Variants in NRXN3 observed in about 807,000 individuals in gnomAD.
The protein encoded by NRXN3 is neurexin 3.
A neutral mutation model predicts 137.6 loss-of-function variants in NRXN3; 32 were observed. The ratio of observed to expected loss-of-function variants is 0.23; its 90% CI spans 0.18 to 0.31. The LOEUF (loss-of-function observed/expected upper bound fraction) is 0.31, where lower values mean the gene tolerates loss of function less well. Ranked by LOEUF, NRXN3 falls within the 10% of genes least tolerant of loss-of-function variation. The probability of loss-of-function intolerance (pLI) is 1.00; values close to 1 mark genes in which losing one functional copy is unlikely to be tolerated. For synonymous variants in NRXN3, 798 were observed against 784.5 expected, an observed-to-expected ratio of 1.02 and a Z score of -0.29; for missense variants, 1,574 against 2,062.5, an observed-to-expected ratio of 0.76 and a Z score of 4.59.
At position 78,917,988 on chromosome 14, in the gene NRXN3, GA is replaced by G. The variant is rs71131666; in HGVS notation, c.2276-39239del. 2.0e-3 allele frequency among the ~76,000 whole-genome samples: 211 copies of G among 107,452 alleles called. 1 individual carries two copies. Among genetic ancestry groups the G allele is most frequent in the Middle Eastern group, 9.9e-3 (2 of 202 alleles). The allele number at this position is 107,452 out of a possible 152,430, so 70.5% of individuals were successfully genotyped here. On this transcript the variant is annotated intron_variant, in intron 10 of 20. Transcript: ENST00000335750. ...AAAAAAAATAAAAAAATAAAAAAAT[GA>G]AAAAAAAAAAAAAAGGCCAGGCATG...
chr14:79,737,022 T>C (rs2098944291), intron 19 of NRXN3, among the ~76,000 whole-genome samples: 1 of 152,238 alleles, frequency 6.6e-6, no homozygotes, highest in African/African-American at 2.4e-5. Context: ...AGCTATTTGA[T>C]GTACATCAAG....
chr14:78,771,945 G>A (rs888717973), intron 8 of NRXN3, among the ~76,000 whole-genome samples: 1 of 152,134 alleles, frequency 6.6e-6, no homozygotes, highest in African/African-American at 2.4e-5. Flanking sequence ...ATATTTACAT[G>A]TACATAATAA....
chr14:78,224,682 A>G (rs2064279861), intron 1 of NRXN3, among the ~76,000 whole-genome samples: 1 of 148,334 alleles, frequency 6.7e-6, no homozygotes, highest in African/African-American at 2.5e-5. Flanking sequence ...TCATTATTGG[A>G]CATTTGGGTT....
chr14:79,051,784 A>G (rs1046632392), intron 15 of NRXN3, among the ~76,000 whole-genome samples: 8 of 152,194 alleles, frequency 5.3e-5, no homozygotes, highest in Non-Finnish European at 1.0e-4. Flanking sequence ...CCGCTAAGGG[A>G]GGTATCAGTA....
intron 19 of NRXN3, among the ~76,000 whole-genome samples, chr14:79,728,067 C>T (rs1188294394): frequency 3.3e-5 from 5 of 152,132 alleles, no homozygotes; most frequent in Admixed American, 3.3e-4. Flanking sequence ...GGGAGTGTCC[C>T]TTTGAAGCCT....
intron 16 of NRXN3, among the ~76,000 whole-genome samples, chr14:79,525,506 A>C (rs548047267): frequency 1.1e-4 from 16 of 152,310 alleles, no homozygotes; most frequent in African/African-American, 3.6e-4. Context: ...TTTAGCTGCA[A>C]ACCTATTAAT....
At chr14:79,509,868 G>A (rs1286449025) in intron 16 of NRXN3, among the ~76,000 whole-genome samples, 1 of 152,084 alleles carries the variant, frequency 6.6e-6, no homozygotes, top group African/African-American at 2.4e-5. Context: ...TCAATGAACT[G>A]AAGGTTTTGG....
chr14:79,765,001 G>T (rs976234990), intron 19 of NRXN3, among the ~76,000 whole-genome samples: 1 of 151,956 alleles, frequency 6.6e-6, no homozygotes, highest in Admixed American at 6.6e-5. Flanking sequence ...AATTTGTCTC[G>T]CCCACTTCTA....
chr14:78,810,447 T>A (rs1439850540), intron 10 of NRXN3, 103 bp downstream of exon 10: 1 of 388,066 alleles, frequency 2.6e-6, no homozygotes, highest in East Asian at 1.5e-4. Context: ...TGAATTATTT[T>A]TTCTTTTAAC....
rs141128527 is a variant in NRXN3, at chr14:78,232,099, G to A, written c.-703-10292G>A. 1.4e-4 allele frequency among the ~76,000 whole-genome samples: 22 copies of A among 152,384 alleles called. 3 individuals carry two copies. In the East Asian group the frequency reaches 4.2e-3, roughly 29 times the overall value. On this transcript the variant is annotated intron_variant, in intron 1 of 20. Transcript: ENST00000335750. Reference sequence around the variant, plus strand: ...CCCCTGGCATCACATTGCTCTGCAGGAGGTGTGGTCTGTGCCTCATACCTG... The same window carrying A: ...CCCCTGGCATCACATTGCTCTGCAGAAGGTGTGGTCTGTGCCTCATACCTG...
intron 15 of NRXN3, among the ~76,000 whole-genome samples, chr14:79,075,395 A>G (rs1177063501): frequency 6.6e-6 from 1 of 152,322 alleles, no homozygotes; most frequent in African/African-American, 2.4e-5. Context: ...AACTTATTGA[A>G]GGCAGTAGGA....
At chr14:79,130,786 T>A (rs540317073) in intron 15 of NRXN3, among the ~76,000 whole-genome samples, 85 of 152,328 alleles carry the variant, frequency 5.6e-4, no homozygotes, top group African/African-American at 1.7e-3. Flanking sequence ...TCCAACTTGG[T>A]TCCATTCTCC....
intron 10 of NRXN3, among the ~76,000 whole-genome samples, chr14:78,940,842 T>C (rs955211753): frequency 6.6e-6 from 1 of 152,022 alleles, no homozygotes; most frequent in Admixed American, 6.5e-5. Context: ...GTTGGGCACC[T>C]AATGTGTATC....
chr14:78,208,934 C>T (rs1323123034), intron 1 of NRXN3, among the ~76,000 whole-genome samples: 1 of 152,116 alleles, frequency 6.6e-6, no homozygotes. Flanking sequence ...CTTTATAATC[C>T]CAGTATCTCC....
chr14:79,010,048 T>C (rs1044969308), intron 15 of NRXN3, among the ~76,000 whole-genome samples: 1 of 152,186 alleles, frequency 6.6e-6, no homozygotes, highest in African/African-American at 2.4e-5. Flanking sequence ...ATACATATCA[T>C]TGAACAACTA....
intron 7 of NRXN3, among the ~76,000 whole-genome samples, chr14:78,710,760 C>T (rs1863029): frequency 0.33 from 50,826 of 151,866 alleles, 10,820 homozygotes; most frequent in African/African-American, 0.61. Flanking sequence ...GCTAGGCTGA[C>T]GGCAGAGATA....
chr14:79,012,853 C>T (rs2099573352), intron 15 of NRXN3, among the ~76,000 whole-genome samples: 1 of 152,108 alleles, frequency 6.6e-6, no homozygotes, highest in South Asian at 2.1e-4. Context: ...TCAACATTTC[C>T]CCCCATCAAA....
At chr14:79,199,107 C>T (rs943331116) in intron 15 of NRXN3, among the ~76,000 whole-genome samples, 11 of 151,688 alleles carry the variant, frequency 7.3e-5, no homozygotes, top group African/African-American at 2.2e-4. Flanking sequence ...GCAGAGGTTG[C>T]GGTGAGCCAA....
chr14:78,909,587 T>A (rs2099230616), intron 10 of NRXN3, among the ~76,000 whole-genome samples: 5 of 152,158 alleles, frequency 3.3e-5, no homozygotes. Flanking sequence ...CCATCCTGAT[T>A]TGACTTCTTC....
Sources: allele counts gnomAD v4.1 joint callset (sites outside exome capture counted in the v4.1 genomes callset), GRCh38; gene constraint gnomAD v4.1.1; transcripts MANE v1.5; gene names NCBI Gene and HGNC (gene_info 2026-07-23, HGNC 2026-07-21).